The following MYO9A variants were observed in gnomAD, a reference collection of about 807,000 sequenced individuals.
The protein encoded by MYO9A is myosin IXA, also known as unconventional myosin-IXa.
Under a neutral mutation model 293.3 loss-of-function variants are expected in MYO9A, and 103 were observed. The ratio of observed to expected loss-of-function variants is 0.35; its 90% CI spans 0.30 to 0.41. The LOEUF is 0.41. MYO9A is among the 10% of genes least tolerant of loss of function. The pLI, the probability that MYO9A is intolerant of heterozygous loss-of-function variation, is 1.00. For missense variants in MYO9A, 2,685 were observed against 3,033.0 expected, an observed-to-expected ratio of 0.89 and a Z score of 2.69; for synonymous variants, 1,001 against 1,035.7, an observed-to-expected ratio of 0.97 and a Z score of 0.64.
chr15:71,948,810 A>G (rs2058982025), intron 15 of MYO9A, among the ~76,000 whole-genome samples: 1 of 152,180 alleles, frequency 6.6e-6, no homozygotes. Flanking sequence ...TTGCTACATG[A>G]TAACAGGACA....
At chr15:72,098,489 T>A (rs191368914) in intron 1 of MYO9A, among the ~76,000 whole-genome samples, 4 of 152,284 alleles carry the variant, frequency 2.6e-5, no homozygotes, top group Admixed American at 1.3e-4. Context: ...ATGTGACCAA[T>A]AAATGAAAAA....
intron 26 of MYO9A, 86 bp from the exon 27 acceptor site, chr15:71,888,202 G>T: frequency 1.4e-6 from 1 of 703,144 alleles, no homozygotes; most frequent in Non-Finnish European, 2.3e-6. Context: ...AGAATTACTT[G>T]AGCTATTTAA....
At chr15:71,985,515 T>C (rs2076387409) in intron 11 of MYO9A, among the ~76,000 whole-genome samples, 2 of 152,312 alleles carry the variant, frequency 1.3e-5, no homozygotes, top group Admixed American at 6.5e-5. Context: ...TTGTCTGAGA[T>C]GTAACCCTTT....
intron 15 of MYO9A, among the ~76,000 whole-genome samples, chr15:71,948,221 T>C (rs1347645713): frequency 6.6e-6 from 1 of 152,226 alleles, no homozygotes; most frequent in Non-Finnish European, 1.5e-5. Flanking sequence ...ATTTTTTACT[T>C]TAAACAGTCA....
At chr15:71,956,853 ACACACAAATAT>A (rs2059211804) in intron 14 of MYO9A, among the ~76,000 whole-genome samples, 4 of 89,634 alleles carry the variant, frequency 4.5e-5, no homozygotes, top group Admixed American at 2.9e-4. Flanking sequence ...ACACACACAC[ACACACAAATAT>A]ATATATATAT....
Position 71,951,809 on chromosome 15 carries a change from T to C in MYO9A, c.2270A>G (p.Glu757Gly), listed in dbSNP as rs749294646. 2.5e-6 allele frequency: 4 copies of C among 1,613,674 alleles called. No homozygotes were observed. The highest frequency in any genetic ancestry group is 3.4e-6 in the Non-Finnish European group (4 of 1,179,922). ...CTCTTCCTTGCATCTCTGCAGAATC[T>C]CTAAGCTCCTCTGGTGGACTGGGTG... Reference protein sequence around the residue: ...LQHPVHQRSLEILQRCKEEKY... With the variant: ...LQHPVHQRSLGILQRCKEEKY... Residue 757 changes from glutamate (E) to glycine (G), a missense_variant, in exon 15 of 42, where the codon GAG (glutamate) becomes GGG (glycine). By Grantham distance (98) the Glu-to-Gly change is moderately conservative. Transcript: ENST00000356056.
intron 1 of MYO9A, among the ~76,000 whole-genome samples, chr15:72,051,400 T>C (rs888405318): frequency 2.0e-5 from 3 of 152,150 alleles, no homozygotes; most frequent in African/African-American, 7.2e-5. Context: ...TGCGGCCACC[T>C]GCCCAGGTGG....
intron 19 of MYO9A, among the ~76,000 whole-genome samples, chr15:71,906,758 CT>C (rs71131714): frequency 0.015 from 891 of 61,038 alleles, 23 homozygotes; most frequent in African/African-American, 0.053. Context: ...CCATTTCTTT[CT>C]TTTTTTTTTT....
intron 1 of MYO9A, among the ~76,000 whole-genome samples, chr15:72,103,417 C>CAGCAGAAGCAGCAGCAGA: frequency 7.2e-6 from 1 of 138,364 alleles, no homozygotes; most frequent in Non-Finnish European, 1.5e-5. Flanking sequence ...CAGCAAGCAG[C>CAGCAGAAGCAGCAGCAGA]AGCAGAAGCA....
chr15:72,026,760 G>C (rs2077686322), intron 4 of MYO9A, among the ~76,000 whole-genome samples: 1 of 152,106 alleles, frequency 6.6e-6, no homozygotes, highest in African/African-American at 2.4e-5. Flanking sequence ...AATGAAAGCG[G>C]AACATTACTA....
chr15:71,949,807 C>T (rs1479870297), intron 15 of MYO9A, among the ~76,000 whole-genome samples: 1 of 152,038 alleles, frequency 6.6e-6, no homozygotes, highest in Non-Finnish European at 1.5e-5. Context: ...AAACCCCAAG[C>T]TGCTCTGAAA....
In MYO9A at chr15:71,910,074, T is replaced by TTA. The variant is rs778372651; in HGVS notation, c.2686-5070_2686-5069dup. ...CATTGTTGTAACTAAAGCCCCAATTTTATATATATACACGTATATATATAT... is the reference window on the plus strand; with the variant it reads ...CATTGTTGTAACTAAAGCCCCAATTTTATATATATATACACGTATATATATAT... On this transcript the variant is annotated intron_variant, in intron 19 of 41. Transcript: ENST00000356056. Among the ~76,000 whole-genome samples the TTA allele has an allele frequency of 1.1e-4, 17 of 148,460 alleles. 1 individual carries two copies. The highest frequency in any genetic ancestry group is 2.1e-4 in the Non-Finnish European group (14 of 67,282).
intron 7 of MYO9A, among the ~76,000 whole-genome samples, chr15:72,009,646 T>C (rs2077116607): frequency 6.6e-6 from 1 of 151,768 alleles, no homozygotes; most frequent in East Asian, 1.9e-4. Flanking sequence ...CCTGGGGAGG[T>C]TGAGGCTGCA....
At chr15:71,836,035 C>T (rs774531633) in intron 39 of MYO9A, among the ~76,000 whole-genome samples, 14 of 151,998 alleles carry the variant, frequency 9.2e-5, no homozygotes, top group Middle Eastern at 3.4e-3. Flanking sequence ...AAGGGAAAGA[C>T]TGATTAACAA....
chr15:72,020,442 T>C (rs894676155), intron 5 of MYO9A, among the ~76,000 whole-genome samples: 3 of 152,210 alleles, frequency 2.0e-5, no homozygotes, highest in African/African-American at 7.2e-5. Flanking sequence ...AAGAAGATTG[T>C]TCATTAAATT....
intron 1 of MYO9A, among the ~76,000 whole-genome samples, chr15:72,076,304 C>CAAAA (rs34369419): frequency 1.2e-5 from 1 of 81,618 alleles, no homozygotes; most frequent in Non-Finnish European, 2.5e-5. Flanking sequence ...GACTCTGTCT[C>CAAAA]AAAAAAAAAA....
At chr15:72,027,842 A>C (rs769294487) in intron 3 of MYO9A, 49 bp from the exon 4 acceptor site, 2 of 1,292,754 alleles carry the variant, frequency 1.5e-6, no homozygotes, top group Non-Finnish European at 2.2e-6. Context: ...GTTTAATATA[A>C]GGCAGAAAAA....
In MYO9A at chr15:71,854,416, T is replaced by C. The variant is rs772576077; in HGVS notation, c.6307A>G (p.Thr2103Ala). 1.2e-6 allele frequency: 2 copies of C among 1,605,452 alleles called. No homozygotes were observed. Residue 2103 changes from threonine to alanine, a missense_variant, in exon 35 of 42, where the codon ACT becomes GCT. Physicochemically the swap from Thr to Ala is moderately conservative, Grantham distance 58 (BLOSUM62 0). This residue lies in a region of MYO9A where 238 missense variants were observed against 269.1 expected (regional missense o/e 0.88). Transcript: ENST00000356056. ...TEGIYRKSGS[T>A]NKIKELRQGL... is the part of the protein sequence containing the mutation. ...TGCCGAAGCTCCTTGATTTTATTAG[T>C]CGAACCAGACTTTCGATAAATACCT...
intron 9 of MYO9A, among the ~76,000 whole-genome samples, chr15:71,998,279 C>T (rs374237717): frequency 2.6e-5 from 4 of 152,088 alleles, no homozygotes; most frequent in African/African-American, 9.6e-5. Context: ...TGAGAACACA[C>T]GGAGACATAA....
Sources: gnomAD v4.1 joint callset for allele counts (sites outside exome capture counted in the v4.1 genomes callset) on GRCh38, gnomAD v4.1.1 for gene constraint, gnomAD v4.1.1 regional missense constraint, MANE v1.5 for transcripts, NCBI Gene and HGNC (gene_info 2026-07-23, HGNC 2026-07-21) for gene names.